Variants in DLG2 observed in about 807,000 individuals in gnomAD.
The protein encoded by DLG2 is discs large MAGUK scaffold protein 2.
A neutral mutation model predicts 132.5 loss-of-function variants in DLG2; 45 were observed. The ratio of observed to expected loss-of-function variants is 0.34; its 90% CI spans 0.27 to 0.44. The LOEUF (loss-of-function observed/expected upper bound fraction) is 0.44, where lower values mean the gene tolerates loss of function less well. Ranked by LOEUF, DLG2 falls within the 20% of genes least tolerant of loss-of-function variation. DLG2 has a pLI of 1.00. For missense variants in DLG2, 1,045 were observed against 1,196.9 expected, an observed-to-expected ratio of 0.87 and a Z score of 1.87; for synonymous variants, 424 against 419.6, an observed-to-expected ratio of 1.01 and a Z score of -0.13.
chr11:85,589,977 G>A (rs1259234608), intron 3 of DLG2, among the ~76,000 whole-genome samples: 1 of 152,016 alleles, frequency 6.6e-6, no homozygotes, highest in Non-Finnish European at 1.5e-5. Flanking sequence ...ATAATAATAT[G>A]AATTTGATCA....
chr11:85,531,543 T>C (rs1168901398), intron 3 of DLG2, among the ~76,000 whole-genome samples: 1 of 152,206 alleles, frequency 6.6e-6, no homozygotes, highest in Non-Finnish European at 1.5e-5. Context: ...AAATGTAGAC[T>C]GATTGTTGCT....
At chr11:84,023,628 T>C (rs2095460825) in intron 11 of DLG2, among the ~76,000 whole-genome samples, 1 of 152,170 alleles carries the variant, frequency 6.6e-6, no homozygotes, top group African/African-American at 2.4e-5. Flanking sequence ...TCAATAAATA[T>C]ATTGGAAAAC....
chr11:84,916,729 A>G (rs1591252161), intron 6 of DLG2, among the ~76,000 whole-genome samples: 1 of 152,240 alleles, frequency 6.6e-6, no homozygotes, highest in East Asian at 1.9e-4. Context: ...TCCGTTCAAA[A>G]CACAGCTGGC....
chr11:84,482,359 T>G (rs1567748362), intron 7 of DLG2, among the ~76,000 whole-genome samples: 1 of 152,210 alleles, frequency 6.6e-6, no homozygotes. Flanking sequence ...AACTTGTTAG[T>G]GTCAAAGGAT....
chr11:85,368,543 A>C (rs2084726829), intron 3 of DLG2, among the ~76,000 whole-genome samples: 1 of 152,186 alleles, frequency 6.6e-6, no homozygotes. Context: ...GGAGTATTTC[A>C]TTAATCTTCT....
intron 6 of DLG2, among the ~76,000 whole-genome samples, chr11:84,582,548 T>G (rs930132180): frequency 1.3e-5 from 2 of 149,778 alleles, no homozygotes. Context: ...AGAGTCAATG[T>G]TTTCCAAAAT....
chr11:83,978,685 G>T (rs181811968), intron 12 of DLG2, among the ~76,000 whole-genome samples: 161 of 152,222 alleles, frequency 1.1e-3, no homozygotes, highest in South Asian at 1.5e-3. Flanking sequence ...GTCATTAATG[G>T]TATATTTTTT....
intron 6 of DLG2, among the ~76,000 whole-genome samples, chr11:84,698,873 T>C (rs552669765): frequency 4.6e-5 from 7 of 151,764 alleles, no homozygotes; most frequent in African/African-American, 1.7e-4. Flanking sequence ...TACATTGTTA[T>C]TCAAATGTTT....
chr11:84,391,193 T>G (rs548145163), intron 7 of DLG2, among the ~76,000 whole-genome samples: 1 of 152,320 alleles, frequency 6.6e-6, no homozygotes, highest in Admixed American at 6.5e-5. Context: ...TATGCTACAT[T>G]CATACAGGGA....
intron 11 of DLG2, among the ~76,000 whole-genome samples, chr11:84,031,262 G>C (rs1249182128): frequency 4.6e-5 from 7 of 151,108 alleles, no homozygotes; most frequent in African/African-American, 1.7e-4. Flanking sequence ...AATATAGGAA[G>C]CAAATAGGTT....
chr11:85,344,378 C>T (rs545691118), intron 3 of DLG2, among the ~76,000 whole-genome samples: 3 of 152,018 alleles, frequency 2.0e-5, no homozygotes, highest in Admixed American at 6.6e-5. Context: ...AGTTTTGTTA[C>T]GGGAATTAGA....
chr11:84,117,551 T>C (rs1170920770), intron 9 of DLG2, among the ~76,000 whole-genome samples: 2 of 152,178 alleles, frequency 1.3e-5, no homozygotes, highest in Non-Finnish European at 2.9e-5. Context: ...TCCTCATGTA[T>C]CTAAACGTGG....
chr11:83,711,305 C>T (rs541276146), intron 18 of DLG2, among the ~76,000 whole-genome samples: 1 of 152,330 alleles, frequency 6.6e-6, no homozygotes, highest in South Asian at 2.1e-4. Context: ...AGAGGCACTA[C>T]ACTGCTGAAG....
At chr11:85,286,245 T>C (rs2078551429) in intron 3 of DLG2, 1 of 289,050 alleles carries the variant, frequency 3.5e-6, no homozygotes, top group African/African-American at 2.3e-5. Context: ...AATTGAACAA[T>C]TAAGTGAATG....
At chr11:84,814,257 G>C (rs989574532) in intron 6 of DLG2, among the ~76,000 whole-genome samples, 1 of 152,066 alleles carries the variant, frequency 6.6e-6, no homozygotes, top group Non-Finnish European at 1.5e-5. Context: ...TTGAGCAGTG[G>C]ATGAGCATAC....
At chr11:85,131,125 T>C (rs1314821191) in intron 5 of DLG2, among the ~76,000 whole-genome samples, 1 of 152,182 alleles carries the variant, frequency 6.6e-6, no homozygotes, top group African/African-American at 2.4e-5. Flanking sequence ...AATAATAATA[T>C]GTATCACCTA....
intron 18 of DLG2, among the ~76,000 whole-genome samples, chr11:83,729,895 T>C (rs1409577517): frequency 6.6e-6 from 1 of 152,194 alleles, no homozygotes; most frequent in Non-Finnish European, 1.5e-5. Context: ...AGAGTGAGCA[T>C]GAAAGCATGA....
At chr11:84,350,157 G>C (rs1349408549) in intron 7 of DLG2, among the ~76,000 whole-genome samples, 1 of 139,384 alleles carries the variant, frequency 7.2e-6, no homozygotes, top group Non-Finnish European at 1.5e-5. Context: ...CAGCCTGGGC[G>C]ACAGAGAGAG....
chr11:83,538,354 G>T (rs1481374227), intron 20 of DLG2, among the ~76,000 whole-genome samples: 3 of 152,170 alleles, frequency 2.0e-5, no homozygotes, highest in African/African-American at 4.8e-5. Context: ...GAGAGCTGTA[G>T]GGCCAAGAAG....
Sources: allele counts gnomAD v4.1 joint callset (sites outside exome capture counted in the v4.1 genomes callset), GRCh38; gene constraint gnomAD v4.1.1; transcripts MANE v1.5; gene names NCBI Gene and HGNC (gene_info 2026-07-23, HGNC 2026-07-21).